Variants in RARB observed in about 807,000 individuals in gnomAD.
The protein encoded by RARB is retinoic acid receptor beta.
In RARB, 17 loss-of-function variants were observed where a neutral mutation model predicts 51.9. That is an observed-to-expected ratio of 0.33 (90% CI 0.22 to 0.49). The LOEUF is 0.49. Ranked by LOEUF, RARB falls within the 20% of genes least tolerant of loss-of-function variation. RARB has a pLI of 0.99. For missense variants in RARB, 369 were observed against 550.8 expected (o/e 0.67, Z 3.30); for synonymous variants, 215 against 195.4 (o/e 1.10, Z -0.84).
chr3:25,509,413 T>C (rs1697776967), intron 3 of RARB, among the ~76,000 whole-genome samples: 1 of 152,250 alleles, frequency 6.6e-6, no homozygotes, highest in Non-Finnish European at 1.5e-5. Flanking sequence ...AGCTGTGTTT[T>C]ATTATAGCTA....
At chr3:25,169,552 G>A in intron 4 of RARB, among the ~76,000 whole-genome samples, 1 of 152,058 alleles carries the variant, frequency 6.6e-6, no homozygotes, top group East Asian at 1.9e-4. Flanking sequence ...ATATTTATCT[G>A]GTCATAATAT....
intron 2 of RARB, among the ~76,000 whole-genome samples, chr3:24,957,850 T>A (rs978627438): frequency 2.6e-5 from 4 of 152,168 alleles, no homozygotes; most frequent in African/African-American, 9.7e-5. Context: ...TCCAGTATAA[T>A]CACAGCAGTT....
chr3:25,553,558 A>T (rs1699930155), intron 3 of RARB, among the ~76,000 whole-genome samples: 2 of 152,200 alleles, frequency 1.3e-5, no homozygotes, highest in Admixed American at 6.5e-5. Flanking sequence ...AAAACCAGTC[A>T]TCTGAAGTGT....
At chr3:25,521,059 C>T (rs1698381089) in intron 3 of RARB, among the ~76,000 whole-genome samples, 1 of 152,128 alleles carries the variant, frequency 6.6e-6, no homozygotes, top group Admixed American at 6.6e-5. Context: ...GCTTTAGAAA[C>T]AGAGGATATA....
intron 3 of RARB, among the ~76,000 whole-genome samples, chr3:25,531,245 A>G (rs1197661589): frequency 6.6e-6 from 1 of 152,122 alleles, no homozygotes; most frequent in Non-Finnish European, 1.5e-5. Flanking sequence ...AGACCTGTGA[A>G]CCACATGGGT....
chr3:25,157,350 T>TTGTGTGTG (rs748559000), intron 4 of RARB, among the ~76,000 whole-genome samples: 4,645 of 145,012 alleles, frequency 0.032, 175 homozygotes, highest in African/African-American at 0.089. Flanking sequence ...GTGTGTGTGT[T>TTGTGTGTG]TGTGTGTGTG....
chr3:25,444,978 C>A (rs1168517354), intron 1 of RARB, among the ~76,000 whole-genome samples: 1 of 151,856 alleles, frequency 6.6e-6, no homozygotes, highest in African/African-American at 2.4e-5. Context: ...GAGACAGAAT[C>A]TTGCTCTGTC....
chr3:25,020,814 CAA>C lies in RARB; in HGVS notation c.-379-39307_-379-39306del, dbSNP rs374154153. ...ATTTAAAATATTTTAGATTTTTCTA[CAA>C]AAAGTAACTGGGCGTGGTGGCACGT... On this transcript the variant is annotated intron_variant, in intron 2 of 11. Transcript: ENST00000383772. Among the ~76,000 whole-genome samples the C allele has an allele frequency of 5.4e-4, 82 of 152,098 alleles. 1 individual carries two copies. Among genetic ancestry groups the C allele is most frequent in the African/African-American group, 1.9e-3 (79 of 41,510 alleles).
intron 5 of RARB, among the ~76,000 whole-genome samples, chr3:25,311,736 T>C (rs1195029494): frequency 6.6e-6 from 1 of 152,176 alleles, no homozygotes; most frequent in Non-Finnish European, 1.5e-5. Flanking sequence ...TTCATGTAAG[T>C]GATGGCTTTA....
At chr3:24,908,403 T>C (rs545664212) in intron 2 of RARB, among the ~76,000 whole-genome samples, 39 of 152,300 alleles carry the variant, frequency 2.6e-4, no homozygotes, top group African/African-American at 8.7e-4. Context: ...GCTATGTACA[T>C]TGAAAGTCAA....
At chr3:25,530,051 A>G (rs74905449) in intron 3 of RARB, among the ~76,000 whole-genome samples, 2,325 of 152,006 alleles carry the variant, frequency 0.015, 70 homozygotes, top group African/African-American at 0.053. Context: ...CCTTCATACT[A>G]TGATTACTGT....
At chr3:25,101,755 T>C (rs960679394) in intron 3 of RARB, among the ~76,000 whole-genome samples, 3 of 152,136 alleles carry the variant, frequency 2.0e-5, no homozygotes, top group African/African-American at 7.2e-5. Flanking sequence ...TGTTTACTTT[T>C]TGAAAGGCTA....
chr3:25,013,564 C>A (rs565127024), intron 2 of RARB, among the ~76,000 whole-genome samples: 3 of 152,140 alleles, frequency 2.0e-5, no homozygotes, highest in Non-Finnish European at 4.4e-5. Context: ...TGATTTGAAC[C>A]CTTAACCACC....
intron 2 of RARB, among the ~76,000 whole-genome samples, chr3:25,052,033 C>T (rs1364350757): frequency 6.6e-6 from 1 of 152,134 alleles, no homozygotes; most frequent in African/African-American, 2.4e-5. Flanking sequence ...GGGACCCAGG[C>T]TAATGGAGGC....
chr3:25,214,955 T>C lies in RARB; in HGVS notation c.178+40380T>C, dbSNP rs146467328. 4.4e-3 allele frequency among the ~76,000 whole-genome samples: 670 copies of C among 152,260 alleles called. 2 individuals are homozygous for C. The highest frequency in any genetic ancestry group is 6.8e-3 in the Non-Finnish European group (461 of 68,022). On this transcript the variant is annotated intron_variant, in intron 5 of 11. Transcript: ENST00000383772. ...GAGGGTGCATGTGAACCATACACAA[T>C]AGCAACATGAATGACTAGGGAAGGA...
chr3:25,111,947 A>C (rs1699609956), intron 3 of RARB, among the ~76,000 whole-genome samples: 1 of 152,114 alleles, frequency 6.6e-6, no homozygotes, highest in South Asian at 2.1e-4. Context: ...TGTTTTGAAG[A>C]CATGCTTTGG....
chr3:24,902,516 C>T (rs769034252), intron 2 of RARB, among the ~76,000 whole-genome samples: 6 of 152,156 alleles, frequency 3.9e-5, no homozygotes, highest in South Asian at 2.1e-4. Flanking sequence ...TTGGGGACAA[C>T]GTGAGGATGA....
At chr3:25,182,979 G>C (rs1700891917) in intron 5 of RARB, among the ~76,000 whole-genome samples, 1 of 152,054 alleles carries the variant, frequency 6.6e-6, no homozygotes, top group Non-Finnish European at 1.5e-5. Context: ...GAGAGACATG[G>C]AGAACATTCC....
intron 2 of RARB, among the ~76,000 whole-genome samples, chr3:24,940,522 A>G (rs973489888): frequency 6.6e-6 from 1 of 152,216 alleles, no homozygotes; most frequent in African/African-American, 2.4e-5. Flanking sequence ...TGTCTGGCCA[A>G]GCAACAACTC....
Sources: allele counts gnomAD v4.1 joint callset (sites outside exome capture counted in the v4.1 genomes callset), GRCh38; gene constraint gnomAD v4.1.1; transcripts MANE v1.5; gene names NCBI Gene and HGNC (gene_info 2026-07-23, HGNC 2026-07-21).